TANC2: variants seen among roughly 807,000 people sequenced by gnomAD.
TANC2 encodes protein TANC2.
TANC2 carries 26 observed loss-of-function variants against 210.5 expected under a neutral mutation model. The ratio of observed to expected loss-of-function variants is 0.12; its 90% CI spans 0.09 to 0.17. The LOEUF is 0.17. Among genes scored for constraint, TANC2 ranks in the 10% least tolerant of loss-of-function variants. The pLI, the probability that TANC2 is intolerant of heterozygous loss-of-function variation, is 1.00. For synonymous variants in TANC2, 931 were observed against 967.1 expected (o/e 0.96, Z 0.69); for missense variants, 2,129 against 2,608.9 (o/e 0.82, Z 4.01).
chr17:63,379,821 T>C, exon 15 of TANC2: 1 of 1,610,080 alleles, frequency 6.2e-7, no homozygotes, highest in Non-Finnish European at 8.5e-7. Context: ...AGCACACATT[T>C]TTAAGGTAAT....
intron 2 of TANC2, among the ~76,000 whole-genome samples, chr17:63,015,337 C>T (rs2034057924): frequency 6.6e-6 from 1 of 151,168 alleles, no homozygotes; most frequent in African/African-American, 2.4e-5. Context: ...ATTTTTTATT[C>T]TTTAAGTTCT....
At chr17:63,177,083 G>T (rs2040610929) in intron 5 of TANC2, among the ~76,000 whole-genome samples, 1 of 151,512 alleles carries the variant, frequency 6.6e-6, no homozygotes, top group African/African-American at 2.4e-5. Flanking sequence ...GGCCAACATG[G>T]TGAAACCCCA....
Position 63,216,528 on chromosome 17 carries a change from C to T in TANC2, c.769+15571C>T, listed in dbSNP as rs114530869. Among the ~76,000 whole-genome samples, 854 of 152,244 alleles carry T rather than the reference C, an allele frequency of 5.6e-3. 6 individuals carry two copies. Among genetic ancestry groups the T allele is most frequent in the Middle Eastern group, 0.014 (4 of 294 alleles). On this transcript the variant is annotated intron_variant, in intron 7 of 27. Coordinates refer to ENST00000689528, the Ensembl canonical transcript of TANC2. The stretch of plus-strand genomic sequence containing the variant: ...AATCCCCACTCTATAGCCAATTGGT[C>T]AGAAATACAGATGACAACCTGGGAC...
intron 2 of TANC2, among the ~76,000 whole-genome samples, chr17:63,040,809 A>G (rs1259214700): frequency 6.6e-6 from 1 of 152,186 alleles, no homozygotes; most frequent in Non-Finnish European, 1.5e-5. Context: ...TGCTGCTGGT[A>G]TATTATTTTA....
At chr17:63,021,447 T>A (rs2034344596) in intron 2 of TANC2, among the ~76,000 whole-genome samples, 1 of 152,184 alleles carries the variant, frequency 6.6e-6, no homozygotes, top group Non-Finnish European at 1.5e-5. Context: ...CAGGTCAGCC[T>A]CCTTTTTCCC....
intron 4 of TANC2, among the ~76,000 whole-genome samples, chr17:63,106,558 G>A (rs571169888): frequency 6.6e-6 from 1 of 151,676 alleles, no homozygotes; most frequent in East Asian, 1.9e-4. Context: ...CAGGATTCTT[G>A]CTACAACTGG....
chr17:63,249,461 G>T (rs1238007037), intron 8 of TANC2, among the ~76,000 whole-genome samples: 1 of 152,136 alleles, frequency 6.6e-6, no homozygotes, highest in South Asian at 2.1e-4. Flanking sequence ...GAATTAGAGG[G>T]ATGTGGGAAG....
intron 13 of TANC2, among the ~76,000 whole-genome samples, chr17:63,353,744 C>A (rs145484443): frequency 2.0e-5 from 3 of 151,968 alleles, no homozygotes; most frequent in Non-Finnish European, 4.4e-5. Flanking sequence ...AAGAGGGGAA[C>A]GTTCTCTGGG....
chr17:63,269,905 T>G (rs750851941), intron 9 of TANC2, among the ~76,000 whole-genome samples: 25 of 152,176 alleles, frequency 1.6e-4, no homozygotes, highest in Non-Finnish European at 3.2e-4. Context: ...ATTGAATTTC[T>G]AAAAATACTA....
chr17:63,284,019 G>A (rs186452632), intron 9 of TANC2, among the ~76,000 whole-genome samples: 4 of 151,918 alleles, frequency 2.6e-5, no homozygotes, highest in East Asian at 1.9e-4. Context: ...CAAAGAGAGC[G>A]GAAATTCTTG....
chr17:63,172,255 A>T (rs1385555496), intron 5 of TANC2, among the ~76,000 whole-genome samples: 1 of 147,498 alleles, frequency 6.8e-6, no homozygotes, highest in Non-Finnish European at 1.5e-5. Context: ...GCAATGACAC[A>T]TTCTCAACCC....
intron 14 of TANC2, among the ~76,000 whole-genome samples, chr17:63,358,376 A>AGAGAGAGAGTGTGTGTGTGTGTGTGTGT (rs1470682571): frequency 2.5e-5 from 2 of 80,942 alleles, no homozygotes; most frequent in African/African-American, 7.4e-5. Context: ...AGAGAGAGAG[A>AGAGAGAGAGTGTGTGTGTGTGTGTGTGT]GTATGTGTGT....
At chr17:63,166,662 T>G (rs1256944352) in intron 5 of TANC2, among the ~76,000 whole-genome samples, 1 of 152,192 alleles carries the variant, frequency 6.6e-6, no homozygotes, top group African/African-American at 2.4e-5. Context: ...CTTGTCCCAT[T>G]GGTTGAATTT....
intron 5 of TANC2, among the ~76,000 whole-genome samples, chr17:63,176,087 C>T (rs2040570490): frequency 6.6e-6 from 1 of 152,216 alleles, no homozygotes; most frequent in Non-Finnish European, 1.5e-5. Context: ...CAGGAACTCT[C>T]ATGCACAGCC....
In TANC2 at chr17:63,055,611, C is replaced by G. The variant is rs527422487; in HGVS notation, c.68-18332C>G. On this transcript the variant is annotated intron_variant, in intron 2 of 27. Transcript: ENST00000689528. Reference sequence around the variant, plus strand: ...TACATACATAACTCTATTCTATTTCCTGTACTCTGGGGTAATCAGTATTAT... The same window carrying G: ...TACATACATAACTCTATTCTATTTCGTGTACTCTGGGGTAATCAGTATTAT... 8.0e-5 allele frequency among the ~76,000 whole-genome samples: 12 copies of G among 149,412 alleles called. No homozygotes were observed. In the East Asian group the frequency reaches 2.2e-3, roughly 27 times the overall value.
chr17:63,235,515 C>A (rs2042597020), intron 7 of TANC2, among the ~76,000 whole-genome samples: 1 of 152,070 alleles, frequency 6.6e-6, no homozygotes, highest in Non-Finnish European at 1.5e-5. Context: ...CCTCTTCCCA[C>A]TTCTCTACCT....
chr17:63,301,565 T>C (rs2044714196), intron 9 of TANC2, among the ~76,000 whole-genome samples: 1 of 152,240 alleles, frequency 6.6e-6, no homozygotes, highest in Non-Finnish European at 1.5e-5. Flanking sequence ...TTTATTTGCA[T>C]AGAGGTGTTT....
At chr17:63,208,227 CAA>C (rs1486418143) in intron 7 of TANC2, among the ~76,000 whole-genome samples, 1 of 152,110 alleles carries the variant, frequency 6.6e-6, no homozygotes, top group East Asian at 1.9e-4. Flanking sequence ...AGAATTGGTA[CAA>C]GAGTACAAAT....
intron 4 of TANC2, among the ~76,000 whole-genome samples, chr17:63,141,566 A>G (rs1238028984): frequency 2.6e-5 from 4 of 151,008 alleles, no homozygotes; most frequent in Non-Finnish European, 4.4e-5. Context: ...ACTCTGTCTC[A>G]AGAAAAAAAA....
Sources: allele counts gnomAD v4.1 joint callset (sites outside exome capture counted in the v4.1 genomes callset), GRCh38; gene constraint gnomAD v4.1.1; transcripts MANE v1.5; gene names NCBI Gene and HGNC (gene_info 2026-07-23, HGNC 2026-07-21).